The following CFAP299 variants were observed in gnomAD, a reference collection of about 807,000 sequenced individuals.
CFAP299 encodes cilia and flagella associated protein 299, also known as cilia- and flagella-associated protein 299.
A neutral mutation model predicts 27.0 loss-of-function variants in CFAP299; 21 were observed. That is an observed-to-expected ratio of 0.78 (90% CI 0.55 to 1.12). CFAP299 has a LOEUF of 1.12. Ranked by LOEUF, CFAP299 falls within the 50% of genes most tolerant of loss-of-function variation. The pLI, the probability that CFAP299 is intolerant of heterozygous loss-of-function variation, is 0.00. For synonymous variants in CFAP299, 104 were observed against 98.1 expected (o/e 1.06, Z -0.36); for missense variants, 310 against 276.6 (o/e 1.12, Z -0.86).
At chr4:80,862,149 C>G (rs1452852461) in intron 3 of CFAP299, among the ~76,000 whole-genome samples, 1 of 152,110 alleles carries the variant, frequency 6.6e-6, no homozygotes, top group Non-Finnish European at 1.5e-5. Flanking sequence ...GTGGGTGGAT[C>G]ATTTGAGGTC....
intron 2 of CFAP299, among the ~76,000 whole-genome samples, chr4:80,546,358 A>C (rs535367578): frequency 6.6e-6 from 1 of 152,324 alleles, no homozygotes; most frequent in East Asian, 1.9e-4. Flanking sequence ...CCACATCAGC[A>C]ATGCAATCTC....
intron 2 of CFAP299, among the ~76,000 whole-genome samples, chr4:80,446,317 A>G (rs1035335238): frequency 6.6e-6 from 1 of 152,218 alleles, no homozygotes; most frequent in Non-Finnish European, 1.5e-5. Flanking sequence ...TAGCCATTCA[A>G]TGCAGGAAGG....
intron 3 of CFAP299, among the ~76,000 whole-genome samples, chr4:80,663,508 G>A (rs889467946): frequency 6.6e-6 from 1 of 152,102 alleles, no homozygotes; most frequent in Admixed American, 6.6e-5. Context: ...GTATATATGT[G>A]CCACATTTTC....
At chr4:80,438,712 A>G (rs770532364) in intron 2 of CFAP299, among the ~76,000 whole-genome samples, 1 of 152,000 alleles carries the variant, frequency 6.6e-6, no homozygotes, top group Non-Finnish European at 1.5e-5. Context: ...TTTTTTCTCA[A>G]TTGTAATTTA....
At chr4:80,866,168 TTGTTCTATGCAGGTTTG>T (rs1732736747) in intron 3 of CFAP299, among the ~76,000 whole-genome samples, 1 of 146,068 alleles carries the variant, frequency 6.8e-6, no homozygotes, top group Non-Finnish European at 1.5e-5. Context: ...GAATTTACAT[TTGTTCTATGCAGGTTTG>T]TGTGAGAACA....
chr4:80,767,160 A>G (rs1725917479), intron 3 of CFAP299, among the ~76,000 whole-genome samples: 1 of 152,138 alleles, frequency 6.6e-6, no homozygotes, highest in Non-Finnish European at 1.5e-5. Flanking sequence ...TATGTACAAT[A>G]TACAATATAC....
chr4:80,324,862 C>G, the CFAP299 span, among the ~76,000 whole-genome samples: 1 of 152,176 alleles, frequency 6.6e-6, no homozygotes, highest in Non-Finnish European at 1.5e-5. Context: ...GTGGCTCATG[C>G]CTGTAATCCC....
Position 80,892,045 on chromosome 4 carries a change from G to C in CFAP299, c.476+21910G>C, listed in dbSNP as rs114372582. Among the ~76,000 whole-genome samples the C allele has an allele frequency of 4.7e-3, 717 of 152,072 alleles. 7 individuals are homozygous for C. The highest frequency in any genetic ancestry group is 0.016 in the African/African-American group (685 of 41,522). On this transcript the variant is annotated intron_variant, in intron 4 of 5. Transcript: ENST00000358105. ...ATGGAATGACAAAAGACCCAGAATA[G>C]CCAAAGCTATCCTGAGTCAAAAGAA...
chr4:80,908,968 A>G (rs955892924), intron 4 of CFAP299, among the ~76,000 whole-genome samples: 1 of 152,122 alleles, frequency 6.6e-6, no homozygotes, highest in African/African-American at 2.4e-5. Flanking sequence ...CTCTCAGATA[A>G]TGAGAGACAC....
At chr4:80,851,246 C>G (rs1047421630) in intron 3 of CFAP299, among the ~76,000 whole-genome samples, 4 of 152,058 alleles carry the variant, frequency 2.6e-5, no homozygotes, top group Non-Finnish European at 4.4e-5. Context: ...GTAATGAAGC[C>G]TAAGAAATGT....
chr4:80,944,741 T>A lies in CFAP299; in HGVS notation c.477-69T>A, dbSNP rs138962192. 1.2e-4 allele frequency: 145 copies of A among 1,208,236 alleles called. No individual in the cohort carries two copies. The East Asian group carries it at 3.7e-3, about 31-fold the overall frequency. The allele number at this position is 1,208,236 out of a possible 1,614,324, so 74.8% of individuals were successfully genotyped here. ...CTTATGACTGAACTTCCCCAAATAG[T>A]TCTTAAACTATATTTGTCAATTTAA... is the stretch of plus-strand genomic sequence containing the variant. On this transcript the variant is annotated intron_variant, in intron 4 of 5. Transcript: ENST00000358105.
intron 2 of CFAP299, among the ~76,000 whole-genome samples, chr4:80,500,197 T>A (rs1472764545): frequency 6.6e-6 from 1 of 152,106 alleles, no homozygotes; most frequent in East Asian, 1.9e-4. Context: ...TTCTACCTAG[T>A]CTCTCTGATG....
chr4:80,929,676 C>T (rs1201195770), intron 4 of CFAP299, among the ~76,000 whole-genome samples: 6 of 152,206 alleles, frequency 3.9e-5, no homozygotes, highest in Admixed American at 1.3e-4. Context: ...ACTTCCAACT[C>T]TCTCTGCCTC....
intron 3 of CFAP299, among the ~76,000 whole-genome samples, chr4:80,612,234 T>C (rs2109918589): frequency 6.6e-6 from 1 of 152,194 alleles, no homozygotes; most frequent in East Asian, 1.9e-4. Context: ...TTCTGTCTTT[T>C]CTTATCTCCT....
At chr4:80,454,451 C>G (rs965530735) in intron 2 of CFAP299, among the ~76,000 whole-genome samples, 2 of 152,104 alleles carry the variant, frequency 1.3e-5, no homozygotes, top group African/African-American at 4.8e-5. Flanking sequence ...GTGCCCAGAG[C>G]AAATACCTCA....
At chr4:80,849,308 A>AC in intron 3 of CFAP299, among the ~76,000 whole-genome samples, 1 of 152,180 alleles carries the variant, frequency 6.6e-6, no homozygotes, top group South Asian at 2.1e-4. Context: ...GTAGTATGGG[A>AC]CCCCCATGGT....
intron 3 of CFAP299, among the ~76,000 whole-genome samples, chr4:80,640,096 G>A (rs1020650898): frequency 3.3e-5 from 5 of 152,154 alleles, no homozygotes; most frequent in African/African-American, 9.7e-5. Flanking sequence ...TCTTAAAAAT[G>A]GTTCAAATGG....
chr4:80,959,687 T>C (rs146447180), intron 5 of CFAP299, among the ~76,000 whole-genome samples: 129 of 152,054 alleles, frequency 8.5e-4, no homozygotes, highest in African/African-American at 2.7e-3. Flanking sequence ...TTTGCAAAGG[T>C]AAAGGAATAA....
At chr4:80,333,576 A>G (rs1722016302), upstream of CFAP299, among the ~76,000 whole-genome samples, 1 of 152,246 alleles carries the variant, frequency 6.6e-6, no homozygotes, top group Non-Finnish European at 1.5e-5. Flanking sequence ...TTGGAATATA[A>G]AAGTGTAGAG....
Sources: allele counts gnomAD v4.1 joint callset (sites outside exome capture counted in the v4.1 genomes callset), GRCh38; gene constraint gnomAD v4.1.1; transcripts MANE v1.5; gene names NCBI Gene and HGNC (gene_info 2026-07-23, HGNC 2026-07-21).